TSPEAR: variants seen among roughly 807,000 people sequenced by gnomAD.
The protein encoded by TSPEAR is thrombospondin-type laminin G domain and EAR repeat-containing protein.
In TSPEAR, 69 loss-of-function variants were observed where a neutral mutation model predicts 71.6. The observed-to-expected ratio is 0.96, with a 90% confidence interval of 0.79 to 1.18. The LOEUF (loss-of-function observed/expected upper bound fraction) is 1.18. Ranked by LOEUF, TSPEAR falls within the 50% of genes most tolerant of loss-of-function variation. The pLI is 0.00. For missense variants in TSPEAR, 971 were observed against 894.9 expected (o/e 1.09, Z -1.09); for synonymous variants, 402 against 387.2 (o/e 1.04, Z -0.45).
chr21:44,639,310 G>T (rs587640747), intron 1 of TSPEAR, among the ~76,000 whole-genome samples: 1 of 152,218 alleles, frequency 6.6e-6, no homozygotes, highest in Non-Finnish European at 1.5e-5. Flanking sequence ...TTTCCGCCAG[G>T]TCGCTGTGCG....
At chr21:44,625,026 A>G (rs1256912452) in intron 1 of TSPEAR, among the ~76,000 whole-genome samples, 6 of 152,236 alleles carry the variant, frequency 3.9e-5, no homozygotes, top group African/African-American at 1.4e-4. Context: ...AGAACTTGAC[A>G]GAGAGTTTTA....
At chr21:44,592,337 C>CG in intron 1 of TSPEAR, 1 of 396,678 alleles carries the variant, frequency 2.5e-6, no homozygotes. Context: ...AGGCAGGGGG[C>CG]CGGGGCGCAG....
chr21:44,685,218 C>G (rs1274370899), intron 1 of TSPEAR, among the ~76,000 whole-genome samples: 7 of 152,186 alleles, frequency 4.6e-5, no homozygotes, highest in African/African-American at 1.7e-4. Context: ...GAGGGTGCCC[C>G]TGGGAGCTGC....
intron 1 of TSPEAR, among the ~76,000 whole-genome samples, chr21:44,707,109 G>C (rs1043821348): frequency 3.3e-5 from 5 of 152,258 alleles, no homozygotes; most frequent in African/African-American, 1.2e-4. Flanking sequence ...GTTGTGTGGG[G>C]TTGGGCGAGC....
intron 1 of TSPEAR, among the ~76,000 whole-genome samples, chr21:44,615,855 G>A (rs1214952165): frequency 2.0e-5 from 3 of 152,218 alleles, no homozygotes; most frequent in Admixed American, 6.5e-5. Context: ...TTTAACCCAG[G>A]AGCGTCCTCC....
At position 44,499,789 on chromosome 21, in the gene TSPEAR, T is replaced by A. The variant is rs782307449; in HGVS notation, c.2004A>T (p.Thr668=). The change falls in exon 12 of 12, where the codon ACA becomes ACT. Residue 668 remains threonine (T), a synonymous_variant. Transcript: ENST00000323084. ...CTGCCGGGCAGCCGCGGCCTCAGCG[T>A]GTCCTCAGCCGCAGGACCCTGGAGA... The part of the protein sequence containing the change: ...EPLSRVLRLR[T]R 5.7e-6 allele frequency: 9 copies of A among 1,566,834 alleles called. No individual in the cohort carries two copies. Among genetic ancestry groups the A allele is most frequent in the Middle Eastern group, 2.0e-4 (1 of 5,034 alleles).
At chr21:44,569,251 C>G (rs782549458) in intron 1 of TSPEAR, among the ~76,000 whole-genome samples, 19 of 152,182 alleles carry the variant, frequency 1.2e-4, no homozygotes, top group Non-Finnish European at 2.8e-4. Context: ...CACGCGCACA[C>G]AGGGTGTGAA....
chr21:44,542,911 T>C (rs959518696), intron 2 of TSPEAR, among the ~76,000 whole-genome samples: 1 of 151,634 alleles, frequency 6.6e-6, no homozygotes, highest in African/African-American at 2.4e-5. Context: ...ACAAGACATA[T>C]TACCTTCAAA....
intron 2 of TSPEAR, among the ~76,000 whole-genome samples, chr21:44,537,953 G>A (rs752053797): frequency 1.3e-5 from 2 of 152,310 alleles, no homozygotes; most frequent in Admixed American, 1.3e-4. Flanking sequence ...AGGCTGAGCC[G>A]GGGTCACGCG....
intron 1 of TSPEAR, chr21:44,646,751 C>A (rs966502954): frequency 6.2e-7 from 1 of 1,613,958 alleles, no homozygotes; most frequent in African/African-American, 1.3e-5. Flanking sequence ...TGCCAGCAGG[C>A]CTGCTGTGTG....
intron 1 of TSPEAR, among the ~76,000 whole-genome samples, chr21:44,605,435 A>C (rs1555929668): frequency 6.6e-6 from 1 of 152,226 alleles, no homozygotes; most frequent in African/African-American, 2.4e-5. Flanking sequence ...ATTTTTACAA[A>C]TACATAGAAA....
intron 1 of TSPEAR, among the ~76,000 whole-genome samples, chr21:44,635,430 C>T (rs1983499291): frequency 6.6e-6 from 1 of 151,172 alleles, no homozygotes; most frequent in Admixed American, 6.6e-5. Flanking sequence ...AGTGCATTAG[C>T]AGATGAATGG....
rs375544081 is a variant in TSPEAR, at chr21:44,591,414, G to C, written c.83-23409C>G. The C allele has an allele frequency of 1.9e-6, 3 of 1,612,160 alleles. No individual in the cohort carries two copies. In the African/African-American group the frequency reaches 4.0e-5, roughly 22 times the overall value. On this transcript the variant is annotated intron_variant, in intron 1 of 11. Coordinates refer to ENST00000323084, the MANE Select transcript of TSPEAR (RefSeq NM_144991.3). ...AGCAGCTGGACTTCTGGCCAGAGCA[G>C]AGGCTGTAGCAGGCAGGGCGGGAGC...
Position 44,525,902 on chromosome 21 carries a change from T to C in TSPEAR, c.1150-63A>G. The stretch of plus-strand genomic sequence containing the variant: ...GGGTCGGTGCCAGCGGCCTGGTTTC[T>C]GAAGGCTTCTGAACATCAGCATCTC... On this transcript the variant is annotated intron_variant, in intron 7 of 11. Coordinates refer to ENST00000323084, the MANE Select transcript of TSPEAR (RefSeq NM_144991.3). 3.3e-6 allele frequency: 5 copies of C among 1,508,238 alleles called. No individual in the cohort carries two copies. In the South Asian group the frequency reaches 5.8e-5, roughly 17 times the overall value. 93.4% of individuals were successfully genotyped at this position (1,508,238 alleles called of 1,614,324 possible). A position where few individuals can be genotyped will look rare whatever the true frequency, so the allele number is the denominator to read the frequency against.
chr21:44,570,745 G>A (rs939676671), intron 1 of TSPEAR, among the ~76,000 whole-genome samples: 4 of 152,188 alleles, frequency 2.6e-5, no homozygotes, highest in Non-Finnish European at 4.4e-5. Context: ...AGAGGAAACT[G>A]ATTAAACCCA....
intron 2 of TSPEAR, among the ~76,000 whole-genome samples, chr21:44,562,170 C>T (rs1254928621): frequency 3.9e-5 from 6 of 152,002 alleles, no homozygotes; most frequent in African/African-American, 1.4e-4. Flanking sequence ...AATCACAAGC[C>T]TTCCTACACA....
intron 1 of TSPEAR, chr21:44,627,327 T>C (rs373342062): frequency 9.3e-6 from 15 of 1,613,064 alleles, no homozygotes; most frequent in Non-Finnish European, 1.3e-5. Context: ...CAGTGAGCCG[T>C]GTATCCAGCC....
At chr21:44,654,185 T>C (rs1984979666) in intron 1 of TSPEAR, 2 of 1,038,926 alleles carry the variant, frequency 1.9e-6, no homozygotes, top group South Asian at 2.9e-5. Flanking sequence ...GACAGTTTGC[T>C]GTGGGAGGAT....
rs1163337640 is a variant in TSPEAR at position 44,710,710 on chromosome 21, G to A, written c.82+723C>T. 5.3e-5 allele frequency among the ~76,000 whole-genome samples: 8 copies of A among 152,192 alleles called. No individual in the cohort carries two copies. The highest frequency in any genetic ancestry group is 1.3e-4 in the Admixed American group (2 of 15,272). On this transcript the variant is annotated intron_variant, in intron 1 of 11. Transcript: ENST00000323084. The surrounding 1 kb of genome is among the most constrained non-coding windows in gnomAD (Gnocchi z 4.6). ...TTTCTAGCGACCAGGTCTAGTTGTC[G>A]TGTTACTTTATTAAATTTTGGTTTG...
Sources: gnomAD v4.1 joint callset for allele counts (sites outside exome capture counted in the v4.1 genomes callset) on GRCh38, gnomAD v4.1.1 for gene constraint, Gnocchi (gnomAD v3.1) non-coding constraint, MANE v1.5 for transcripts, NCBI Gene and HGNC (gene_info 2026-07-23, HGNC 2026-07-21) for gene names.